The following FHOD3 variants were observed in gnomAD, a reference collection of about 807,000 sequenced individuals.
FHOD3 encodes the protein formin homology 2 domain containing 3.
A neutral mutation model predicts 173.0 loss-of-function variants in FHOD3; 90 were observed. The ratio of observed to expected loss-of-function variants is 0.52; its 90% CI spans 0.44 to 0.62. The LOEUF is 0.62. Among genes scored for constraint, FHOD3 ranks in the 20% least tolerant of loss-of-function variants. The pLI is 0.00. For synonymous variants in FHOD3, 828 were observed against 823.0 expected, an observed-to-expected ratio of 1.01 and a Z score of -0.10; for missense variants, 1,945 against 2,034.7, an observed-to-expected ratio of 0.96 and a Z score of 0.85.
intron 19 of FHOD3, among the ~76,000 whole-genome samples, chr18:36,727,978 G>T (rs2149881889): frequency 6.6e-6 from 1 of 152,292 alleles, no homozygotes; most frequent in African/African-American, 2.4e-5. Flanking sequence ...GCCATCCTGT[G>T]CTCACAAGAC....
chr18:36,582,539 T>C (rs1025191488), intron 6 of FHOD3, among the ~76,000 whole-genome samples: 1 of 152,208 alleles, frequency 6.6e-6, no homozygotes, highest in African/African-American at 2.4e-5. Context: ...TTACCTGTCA[T>C]TAACCAAATG....
intron 17 of FHOD3, among the ~76,000 whole-genome samples, chr18:36,697,865 C>T (rs2039375496): frequency 2.0e-5 from 3 of 152,218 alleles, no homozygotes; most frequent in African/African-American, 7.2e-5. Context: ...GTCCTTTTGG[C>T]TGTCATCATT....
intron 28 of FHOD3, among the ~76,000 whole-genome samples, chr18:36,776,777 C>T (rs1251771284): frequency 6.6e-6 from 1 of 152,118 alleles, no homozygotes; most frequent in Non-Finnish European, 1.5e-5. Context: ...CTGGAATATC[C>T]AAACCATGAG....
intron 5 of FHOD3, among the ~76,000 whole-genome samples, chr18:36,532,740 A>G (rs1484131012): frequency 6.6e-6 from 1 of 152,256 alleles, no homozygotes; most frequent in Non-Finnish European, 1.5e-5. Context: ...ACCTGGAAGC[A>G]GAGAAATCAC....
chr18:36,472,499 A>G (rs2053337965), intron 3 of FHOD3, among the ~76,000 whole-genome samples: 1 of 152,200 alleles, frequency 6.6e-6, no homozygotes. Context: ...CATTGCCAGT[A>G]TCTAATTCCA....
At chr18:36,406,658 AC>A in intron 3 of FHOD3, among the ~76,000 whole-genome samples, 1 of 152,076 alleles carries the variant, frequency 6.6e-6, no homozygotes, top group East Asian at 1.9e-4. Flanking sequence ...GCCCTTGGGG[AC>A]TGGGAGCTCT....
intron 2 of FHOD3, among the ~76,000 whole-genome samples, chr18:36,366,825 T>A (rs2046922262): frequency 1.3e-5 from 2 of 152,194 alleles, no homozygotes; most frequent in Admixed American, 1.3e-4. Flanking sequence ...CTGGGGCAAC[T>A]GTTGAGGGGG....
At chr18:36,654,018 C>A (rs1201097850) in intron 13 of FHOD3, among the ~76,000 whole-genome samples, 1 of 152,208 alleles carries the variant, frequency 6.6e-6, no homozygotes, top group Non-Finnish European at 1.5e-5. Flanking sequence ...CAGCCTGTTC[C>A]AGAGTCGCTT....
intron 27 of FHOD3, among the ~76,000 whole-genome samples, chr18:36,766,256 T>C (rs1225959933): frequency 3.3e-5 from 5 of 152,324 alleles, no homozygotes; most frequent in African/African-American, 1.2e-4. Flanking sequence ...GCAAACTTTT[T>C]ACATTAAAAC....
chr18:36,676,774 T>G (rs779974066), intron 14 of FHOD3, among the ~76,000 whole-genome samples: 1 of 152,216 alleles, frequency 6.6e-6, no homozygotes, highest in Non-Finnish European at 1.5e-5. Context: ...TGATTTCTAG[T>G]GAAGATGAGC....
intron 3 of FHOD3, among the ~76,000 whole-genome samples, chr18:36,385,824 G>A (rs903923990): frequency 4.6e-5 from 7 of 152,204 alleles, no homozygotes; most frequent in Admixed American, 3.3e-4. Context: ...GACCATGAAG[G>A]CAACTTCCCA....
chr18:36,702,450 CT>C (rs2039642610), intron 17 of FHOD3, among the ~76,000 whole-genome samples: 1 of 152,124 alleles, frequency 6.6e-6, no homozygotes, highest in Non-Finnish European at 1.5e-5. Context: ...CTCTTGGGAC[CT>C]TTTTCAGATT....
chr18:36,314,515 A>C (rs2044026380), intron 1 of FHOD3, among the ~76,000 whole-genome samples: 1 of 152,194 alleles, frequency 6.6e-6, no homozygotes, highest in Admixed American at 6.5e-5. Context: ...GTCACATCAG[A>C]GAATAGAGCT....
intron 5 of FHOD3, among the ~76,000 whole-genome samples, chr18:36,539,367 T>A (rs1487449322): frequency 6.6e-6 from 1 of 152,174 alleles, no homozygotes; most frequent in African/African-American, 2.4e-5. Flanking sequence ...ATAATTCACG[T>A]GTATAGAAGA....
chr18:36,514,014 CTT>C (rs58493993), intron 5 of FHOD3, among the ~76,000 whole-genome samples: 4 of 104,628 alleles, frequency 3.8e-5, no homozygotes, highest in Admixed American at 1.1e-4. Flanking sequence ...TATTTCTATT[CTT>C]TTTTTTTTTT....
chr18:36,520,250 C>T (rs756788070), intron 5 of FHOD3, among the ~76,000 whole-genome samples: 13 of 152,138 alleles, frequency 8.5e-5, no homozygotes, highest in South Asian at 4.1e-4. Flanking sequence ...TGAGCCACCA[C>T]GCCCAGCCTC....
At chr18:36,494,140 A>T (rs1450891856) in intron 3 of FHOD3, among the ~76,000 whole-genome samples, 1 of 151,968 alleles carries the variant, frequency 6.6e-6, no homozygotes, top group African/African-American at 2.4e-5. Context: ...CCACACACTG[A>T]AGTTTTCTTC....
intron 18 of FHOD3, among the ~76,000 whole-genome samples, chr18:36,716,912 G>GTA (rs1410075928): frequency 8.5e-5 from 12 of 140,736 alleles, no homozygotes; most frequent in African/African-American, 2.4e-4. Context: ...TTATATATGT[G>GTA]TATGTGTGTG....
In FHOD3 at chr18:36,550,052, G is replaced by GA. The variant is rs2057580692; in HGVS notation, c.512-26393dup. Among the ~76,000 whole-genome samples the GA allele has an allele frequency of 2.6e-5, 4 of 151,416 alleles. No individual in the cohort carries two copies. In the South Asian group the frequency reaches 8.3e-4, roughly 32 times the overall value. On this transcript the variant is annotated intron_variant, in intron 5 of 28. Transcript: ENST00000590592. Reference sequence around the variant, plus strand: ...AACAACTGTTCCAGCACCAACTATTGAAAAAATGATCTTTTCTTCTATCTT... The same window carrying GA: ...AACAACTGTTCCAGCACCAACTATTGAAAAAAATGATCTTTTCTTCTATCTT...
Sources: allele counts gnomAD v4.1 joint callset (sites outside exome capture counted in the v4.1 genomes callset), GRCh38; gene constraint gnomAD v4.1.1; transcripts MANE v1.5; gene names NCBI Gene and HGNC (gene_info 2026-07-23, HGNC 2026-07-21).